PANX1: variants seen among roughly 807,000 people sequenced by gnomAD.
PANX1 encodes pannexin-1.
Under a neutral mutation model 38.7 loss-of-function variants are expected in PANX1, and 30 were observed. That is an observed-to-expected ratio of 0.78 (90% CI 0.58 to 1.05). PANX1 has a LOEUF of 1.05. PANX1 is among the 50% of genes least tolerant of loss of function. The pLI, the probability that PANX1 is intolerant of heterozygous loss-of-function variation, is 0.00. For synonymous variants in PANX1, 230 were observed against 212.2 expected, an observed-to-expected ratio of 1.08 and a Z score of -0.73; for missense variants, 551 against 517.2, an observed-to-expected ratio of 1.07 and a Z score of -0.63.
At chr11:94,172,501 A>G (rs969675326) in intron 2 of PANX1, among the ~76,000 whole-genome samples, 1 of 151,814 alleles carries the variant, frequency 6.6e-6, no homozygotes, top group African/African-American at 2.4e-5. Context: ...GCAGACTAGG[A>G]CACACATGCT....
chr11:94,129,103 C>T lies in PANX1; in HGVS notation c.-210C>T. 2.2e-6 allele frequency: 1 copy of T among 446,480 alleles called. No individual in the cohort carries two copies. Among genetic ancestry groups the T allele is most frequent in the Non-Finnish European group, 3.9e-6 (1 of 253,212 alleles). The allele number at this position is 446,480 out of a possible 1,614,324, so 27.7% of individuals were successfully genotyped here. A position where few individuals can be genotyped will look rare whatever the true frequency, so the allele number is the denominator to read the frequency against. On this transcript the variant is annotated 5_prime_UTR_variant, in exon 1 of 5. Transcript: ENST00000227638. ...GCTCTCGGGTTCCCGCCCCGCCCCGCCCCGCCGGCGGCGGAGGCAGCGAGC... is the reference window on the plus strand; with the variant it reads ...GCTCTCGGGTTCCCGCCCCGCCCCGTCCCGCCGGCGGCGGAGGCAGCGAGC...
intron 1 of PANX1, among the ~76,000 whole-genome samples, chr11:94,138,106 G>C (rs528937955): frequency 5.3e-5 from 8 of 152,104 alleles, no homozygotes; most frequent in African/African-American, 1.7e-4. Context: ...AGTATACATA[G>C]ACATTTTTAA....
rs981667640 is a variant in PANX1 at position 94,181,141 on chromosome 11, A to G, written c.*272A>G. ...TCATCAAATGAAAAGCAGAAAGACA[A>G]GAACAATTAGTCAAGAGCAGTAGCC... On this transcript the variant is annotated 3_prime_UTR_variant, in exon 5 of 5. Transcript: ENST00000227638. The G allele has an allele frequency of 2.4e-6, 1 of 411,198 alleles. No homozygotes were observed. Among genetic ancestry groups the G allele is most frequent in the Non-Finnish European group, 4.5e-6 (1 of 223,924 alleles). The allele number at this position is 411,198 out of a possible 1,614,324, so 25.5% of individuals were successfully genotyped here.
chr11:94,147,619 G>A (rs1333400332), intron 1 of PANX1, among the ~76,000 whole-genome samples: 8 of 152,128 alleles, frequency 5.3e-5, no homozygotes, highest in African/African-American at 1.2e-4. Context: ...TGCACTTAGC[G>A]GGCTGCGTTG....
chr11:94,133,879 T>A (rs973757694), intron 1 of PANX1, among the ~76,000 whole-genome samples: 1 of 152,160 alleles, frequency 6.6e-6, no homozygotes, highest in African/African-American at 2.4e-5. Flanking sequence ...TAGGGAACTC[T>A]CCCAGAGTGG....
At chr11:94,152,568 CAG>C (rs79197356) in intron 1 of PANX1, among the ~76,000 whole-genome samples, 2,174 of 152,036 alleles carry the variant, frequency 0.014, 52 homozygotes, top group East Asian at 0.067. Flanking sequence ...CAGGTGGGGA[CAG>C]GGGATCAGGG....
At chr11:94,135,336 A>G (rs540259022) in intron 1 of PANX1, among the ~76,000 whole-genome samples, 55 of 152,380 alleles carry the variant, frequency 3.6e-4, no homozygotes, top group Non-Finnish European at 6.6e-4. Context: ...AAGGATAGAT[A>G]TAACTGCAGC....
At chr11:94,133,766 G>A (rs1946656652) in intron 1 of PANX1, among the ~76,000 whole-genome samples, 1 of 152,206 alleles carries the variant, frequency 6.6e-6, no homozygotes, top group Non-Finnish European at 1.5e-5. Context: ...GGGAGAATCA[G>A]TGGTTTCACC....
At chr11:94,156,716 G>A (rs1415272470) in intron 2 of PANX1, among the ~76,000 whole-genome samples, 2 of 144,052 alleles carry the variant, frequency 1.4e-5, no homozygotes, top group South Asian at 2.3e-4. Flanking sequence ...TATTTTTCTC[G>A]TTTTTTTTTT....
chr11:94,153,389 C>A, intron 1 of PANX1, 102 bp from the exon 2 acceptor site: 1 of 1,173,418 alleles, frequency 8.5e-7, no homozygotes, highest in Non-Finnish European at 1.2e-6. Flanking sequence ...CACCTCCTGT[C>A]CTGGTGCTCC....
chr11:94,161,304 A>G (rs1565380513), intron 2 of PANX1, among the ~76,000 whole-genome samples: 1 of 152,190 alleles, frequency 6.6e-6, no homozygotes, highest in Admixed American at 6.5e-5. Flanking sequence ...CTCCTGGATA[A>G]TATCCTGCAG....
At position 94,129,342 on chromosome 11, in the gene PANX1, C is replaced by G. The variant is rs1228314729; in HGVS notation, c.30C>G (p.Tyr10Ter). 6.2e-7 allele frequency: 1 copy of G among 1,613,700 alleles called. No homozygotes were observed. Among genetic ancestry groups the G allele is most frequent in the African/African-American group, 1.3e-5 (1 of 75,070 alleles). Residue 10 changes from tyrosine (Y) to a stop codon, truncating the protein, a stop_gained, in exon 1 of 5, where the codon TAC becomes TAG. Coordinates refer to ENST00000227638, the MANE Select transcript of PANX1 (RefSeq NM_015368.4). LOFTEE classifies it high-confidence loss of function. MAIAQLATE[Y>*]VFSDFLLKEP... The stretch of plus-strand genomic sequence containing the variant: ...CCATCGCTCAACTGGCCACGGAGTA[C>G]GTGTTCTCGGATTTCTTGCTGAAGG...
At chr11:94,165,349 ATTT>A (rs905538438) in intron 2 of PANX1, among the ~76,000 whole-genome samples, 2 of 147,256 alleles carry the variant, frequency 1.4e-5, no homozygotes, top group Non-Finnish European at 3.0e-5. Context: ...TAATTTTTTA[ATTT>A]TATTATTATT....
In PANX1 at chr11:94,153,510, C is replaced by T. The variant is rs777489487; in HGVS notation, c.201C>T (p.Phe67=). 4.3e-6 allele frequency: 7 copies of T among 1,614,162 alleles called. No homozygotes were observed. The East Asian group carries it at 1.3e-4, about 31-fold the overall frequency. ...TCTTAGGTACACAGATAAGCTGTTTCTCTCCAAGTTCTTTCTCCTGGCGTC... is the reference window on the plus strand; with the variant it reads ...TCTTAGGTACACAGATAAGCTGTTTTTCTCCAAGTTCTTTCTCCTGGCGTC... ...EISIGTQISC[F]SPSSFSWRQA... The change falls in exon 2 of 5, where the codon TTC becomes TTT. Residue 67 remains phenylalanine (F), a synonymous_variant. Coordinates refer to ENST00000227638, the MANE Select transcript of PANX1 (RefSeq NM_015368.4).
chr11:94,157,392 G>C (rs561876253), intron 2 of PANX1, among the ~76,000 whole-genome samples: 2 of 152,178 alleles, frequency 1.3e-5, no homozygotes, highest in African/African-American at 2.4e-5. Flanking sequence ...CTCCTCTCCC[G>C]CACCTGTTGT....
intron 1 of PANX1, among the ~76,000 whole-genome samples, chr11:94,153,273 A>G (rs1946906066): frequency 6.6e-6 from 1 of 152,014 alleles, no homozygotes; most frequent in Non-Finnish European, 1.5e-5. Context: ...TTTTTCCCCA[A>G]CTGAGGCCAA....
Position 94,153,562 on chromosome 11 carries a change from T to G in PANX1, c.253T>G (p.Trp85Gly), listed in dbSNP as rs755026670. The change falls in exon 2 of 5, where the codon TGG becomes GGG. Residue 85 changes from tryptophan (W) to glycine (G), a missense_variant. Transcript: ENST00000227638. The stretch of plus-strand genomic sequence containing the variant: ...GGCTGCCTTTGTGGATTCATATTGC[T>G]GGGCGGCTGTTCAGCAGAAGAACTC... ...RQAAFVDSYC[W>G]AAVQQKNSLQ... 5 of 1,614,026 alleles carry G rather than the reference T, an allele frequency of 3.1e-6. No individual in the cohort carries two copies. In the African/African-American group the frequency reaches 6.7e-5, roughly 22 times the overall value.
At position 94,180,992 on chromosome 11, in the gene PANX1, A is replaced by C; in HGVS notation, c.*123A>C. On this transcript the variant is annotated 3_prime_UTR_variant, in exon 5 of 5. Transcript: ENST00000227638. ...ATGGTTCTTGGTGGAGATACTGAGC[A>C]TGTCTTATTGAGTCCCTAATGGAAA... 1.5e-6 allele frequency: 1 copy of C among 669,634 alleles called. No individual in the cohort carries two copies. Among genetic ancestry groups the C allele is most frequent in the Non-Finnish European group, 2.7e-6 (1 of 368,682 alleles). The allele number at this position is 669,634 out of a possible 1,614,324, so 41.5% of individuals were successfully genotyped here.
chr11:94,155,012 C>T (rs1423692869), intron 2 of PANX1, among the ~76,000 whole-genome samples: 1 of 152,132 alleles, frequency 6.6e-6, no homozygotes, highest in African/African-American at 2.4e-5. Context: ...TTGAGACCAG[C>T]CTGGCCAACA....
Sources: gnomAD v4.1 joint callset for allele counts (sites outside exome capture counted in the v4.1 genomes callset) on GRCh38, gnomAD v4.1.1 for gene constraint, MANE v1.5 for transcripts, NCBI Gene and HGNC (gene_info 2026-07-23, HGNC 2026-07-21) for gene names.